The following CCDC181 variants were observed in gnomAD, a reference collection of about 807,000 sequenced individuals.
The protein encoded by CCDC181 is coiled-coil domain containing 181, also known as coiled-coil domain-containing protein 181.
Under a neutral mutation model 58.7 loss-of-function variants are expected in CCDC181, and 35 were observed. The observed-to-expected ratio is 0.60, with a 90% CI of 0.46 to 0.79. The LOEUF is 0.79. Among genes scored for constraint, CCDC181 ranks in the 30% least tolerant of loss-of-function variants. The pLI is 0.00. For synonymous variants in CCDC181, 183 were observed against 197.5 expected (o/e 0.93, Z 0.62); for missense variants, 517 against 583.9 (o/e 0.89, Z 1.18).
chr1:169,439,273 A>G (rs1215378417), intron 2 of CCDC181, among the ~76,000 whole-genome samples: 2 of 151,588 alleles, frequency 1.3e-5, no homozygotes, highest in East Asian at 1.9e-4. Context: ...ACACCCCACA[A>G]TGGGGCTGCA....
chr1:169,443,441 A>G (rs1313879827), intron 2 of CCDC181: 1 of 152,114 alleles, frequency 6.6e-6, no homozygotes, highest in Non-Finnish European at 1.5e-5. Context: ...TAAATTATGG[A>G]AAAGAAACGA....
chr1:169,428,033 G>T (rs1484311372), upstream of CCDC181, among the ~76,000 whole-genome samples: 1 of 152,122 alleles, frequency 6.6e-6, no homozygotes, highest in Non-Finnish European at 1.5e-5. Context: ...AAATAAATAA[G>T]AACTGGGAGA....
At chr1:169,416,809 A>G (rs1656236098) in intron 4 of CCDC181, among the ~76,000 whole-genome samples, 1 of 152,096 alleles carries the variant, frequency 6.6e-6, no homozygotes. Flanking sequence ...CTTGCCTGTG[A>G]AAGTACTGCC....
intron 2 of CCDC181, chr1:169,442,818 C>T (rs559310387): frequency 1.3e-5 from 2 of 151,942 alleles, no homozygotes; most frequent in South Asian, 2.1e-4. Context: ...AAACAATATG[C>T]AAAACATAAA....
chr1:169,412,677 T>C (rs568433190), intron 4 of CCDC181, among the ~76,000 whole-genome samples: 4 of 152,150 alleles, frequency 2.6e-5, no homozygotes, highest in East Asian at 3.9e-4. Context: ...AAAACAGATA[T>C]ATAGACCAGT....
upstream of CCDC181, among the ~76,000 whole-genome samples, chr1:169,432,382 T>C (rs756473567): frequency 6.6e-6 from 1 of 152,180 alleles, no homozygotes; most frequent in Non-Finnish European, 1.5e-5. Flanking sequence ...GTCTGCATTG[T>C]GGGAGTCCTT....
At chr1:169,450,868 T>C (rs2101756928) in intron 2 of CCDC181, among the ~76,000 whole-genome samples, 1 of 152,346 alleles carries the variant, frequency 6.6e-6, no homozygotes, top group Admixed American at 6.5e-5. Context: ...TTGGCATTAA[T>C]TTGCTTTTCC....
intron 1 of CCDC181, 23 bp from the exon 2 acceptor site, chr1:169,424,973 G>A (rs1251157765): frequency 1.6e-6 from 2 of 1,221,020 alleles, no homozygotes; most frequent in South Asian, 1.3e-5. Context: ...AAAAGATAAG[G>A]TATATGTTAT....
At chr1:169,418,335 TAGAA>T (rs1329105554) in intron 4 of CCDC181, among the ~76,000 whole-genome samples, 1 of 152,096 alleles carries the variant, frequency 6.6e-6, no homozygotes, top group African/African-American at 2.4e-5. Context: ...TGTAATGGCT[TAGAA>T]AGAGTTCCAT....
intron 2 of CCDC181, among the ~76,000 whole-genome samples, chr1:169,456,247 A>G (rs753879910): frequency 1.4e-4 from 21 of 152,134 alleles, no homozygotes; most frequent in Non-Finnish European, 2.5e-4. Flanking sequence ...CACTTAGCTA[A>G]TGTGATCATC....
At chr1:169,428,926 A>T (rs969141873), upstream of CCDC181, among the ~76,000 whole-genome samples, 1 of 152,154 alleles carries the variant, frequency 6.6e-6, no homozygotes, top group Non-Finnish European at 1.5e-5. Flanking sequence ...ACCAATATGT[A>T]GTTTTTTTAT....
At chr1:169,399,475 C>T (rs1655223017) in intron 4 of CCDC181, among the ~76,000 whole-genome samples, 1 of 152,046 alleles carries the variant, frequency 6.6e-6, no homozygotes, top group African/African-American at 2.4e-5. Flanking sequence ...TACAGCAGAA[C>T]TATCATCAGA....
At chr1:169,438,990 C>T (rs1249467157) in intron 2 of CCDC181, among the ~76,000 whole-genome samples, 1 of 152,172 alleles carries the variant, frequency 6.6e-6, no homozygotes, top group Non-Finnish European at 1.5e-5. Flanking sequence ...CTGAAATCTT[C>T]CTGATGGAGA....
intron 5 of CCDC181, chr1:169,396,656 A>G (rs1266205213): frequency 6.6e-6 from 1 of 152,190 alleles, no homozygotes; most frequent in East Asian, 1.9e-4. Flanking sequence ...CTCTCCCCAC[A>G]CTTGCTAGCA....
At chr1:169,398,823 A>G (rs901663018) in intron 4 of CCDC181, among the ~76,000 whole-genome samples, 6 of 152,332 alleles carry the variant, frequency 3.9e-5, no homozygotes, top group Admixed American at 3.3e-4. Flanking sequence ...TGATTGACTG[A>G]TCTGTCTGAT....
chr1:169,435,926 G>C (rs1284582563), intron 2 of CCDC181, among the ~76,000 whole-genome samples: 1 of 152,168 alleles, frequency 6.6e-6, no homozygotes. Context: ...GAAATGGATA[G>C]TGTAAAAATC....
intron 2 of CCDC181, among the ~76,000 whole-genome samples, chr1:169,453,399 C>T (rs1657600282): frequency 6.6e-6 from 1 of 152,098 alleles, no homozygotes; most frequent in Admixed American, 6.6e-5. Context: ...TTTCCCAAGA[C>T]CCCCTAAATG....
At chr1:169,417,561 T>C (rs1188822664) in intron 4 of CCDC181, among the ~76,000 whole-genome samples, 1 of 152,078 alleles carries the variant, frequency 6.6e-6, no homozygotes. Context: ...AGCTTGGGGA[T>C]TTTTATAAAG....
chr1:169,413,068 A>G (rs1035894643), intron 4 of CCDC181, among the ~76,000 whole-genome samples: 8 of 152,224 alleles, frequency 5.3e-5, no homozygotes, highest in African/African-American at 1.9e-4. Context: ...AAAAGAAACT[A>G]TCATCAGAGT....
Sources: gnomAD v4.1 joint callset for allele counts (sites outside exome capture counted in the v4.1 genomes callset) on GRCh38, gnomAD v4.1.1 for gene constraint, MANE v1.5 for transcripts, NCBI Gene and HGNC (gene_info 2026-07-23, HGNC 2026-07-21) for gene names.